CUL4A: variants seen among roughly 807,000 people sequenced by gnomAD.
CUL4A encodes cullin 4A.
CUL4A carries 16 observed loss-of-function variants against 95.5 expected under a neutral mutation model. That is an observed-to-expected ratio of 0.17 (90% CI 0.11 to 0.25). The LOEUF is 0.25. Ranked by LOEUF, CUL4A falls within the 10% of genes least tolerant of loss-of-function variation. The probability of loss-of-function intolerance (pLI) is 1.00; values close to 1 mark genes in which losing one functional copy is unlikely to be tolerated. For synonymous variants in CUL4A, 380 were observed against 353.1 expected (o/e 1.08, Z -0.85); for missense variants, 610 against 937.0 (o/e 0.65, Z 4.56).
At chr13:113,231,346 A>G (rs2041302373) in intron 5 of CUL4A, among the ~76,000 whole-genome samples, 1 of 152,206 alleles carries the variant, frequency 6.6e-6, no homozygotes, top group African/African-American at 2.4e-5. Flanking sequence ...CAGGCAGCTA[A>G]GAAAGAAAGA....
At chr13:113,260,949 T>A (rs2042259931) in intron 19 of CUL4A, among the ~76,000 whole-genome samples, 190 bp downstream of exon 19, 1 of 152,174 alleles carries the variant, frequency 6.6e-6, no homozygotes, top group Non-Finnish European at 1.5e-5. Context: ...ACTGCAGAAA[T>A]GATAGAGCCC....
At chr13:113,218,819 C>T in intron 2 of CUL4A, 126 bp from the exon 3 acceptor site, 1 of 599,306 alleles carries the variant, frequency 1.7e-6, no homozygotes, top group East Asian at 2.9e-5. Context: ...TTGTAGATTC[C>T]TGAAGTACTG....
intron 18 of CUL4A, among the ~76,000 whole-genome samples, chr13:113,256,598 TTC>T (rs1428298587): frequency 6.6e-6 from 1 of 152,194 alleles, no homozygotes; most frequent in Non-Finnish European, 1.5e-5. Flanking sequence ...TCATTTTGAT[TTC>T]TGATTCTTTA....
chr13:113,238,702 G>A (rs2041619493), intron 9 of CUL4A, among the ~76,000 whole-genome samples: 1 of 152,184 alleles, frequency 6.6e-6, no homozygotes, highest in Non-Finnish European at 1.5e-5. Context: ...CTCTAGGTGA[G>A]GATTGTAATT....
At chr13:113,220,049 G>T (rs1196231347) in intron 3 of CUL4A, among the ~76,000 whole-genome samples, 1 of 152,206 alleles carries the variant, frequency 6.6e-6, no homozygotes, top group Non-Finnish European at 1.5e-5. Flanking sequence ...TTCTTCATGT[G>T]TAAAATTAGG....
rs1169103880 is a variant in CUL4A, at chr13:113,233,285, G to A, written c.621G>A (p.Glu207=). The part of the protein sequence containing the change: ...LLLIERERSG[E]AVDRSLLRSL... Reference sequence around the variant, plus strand: ...TGATCGAGCGCGAGAGGAGCGGCGAGGCCGTGGACCGGAGCCTGTTGCGGA... The same window carrying A: ...TGATCGAGCGCGAGAGGAGCGGCGAAGCCGTGGACCGGAGCCTGTTGCGGA... The change falls in exon 6 of 20, where the codon GAG becomes GAA. Residue 207 remains glutamate (E), a synonymous_variant. Transcript: ENST00000375440. 2 of 1,613,850 alleles carry A rather than the reference G, an allele frequency of 1.2e-6. No individual in the cohort carries two copies. The highest frequency in any genetic ancestry group is 2.2e-5 in the South Asian group (2 of 91,076).
chr13:113,231,673 C>T (rs965270444), intron 5 of CUL4A, among the ~76,000 whole-genome samples: 1 of 152,176 alleles, frequency 6.6e-6, no homozygotes, highest in African/African-American at 2.4e-5. Context: ...GGCACAGAGA[C>T]ATTAAGCTTC....
In CUL4A at chr13:113,237,027, T is replaced by A; in HGVS notation, c.916+137T>A. 4.9e-6 allele frequency: 3 copies of A among 615,456 alleles called. No homozygotes were observed. The South Asian group carries it at 6.9e-5, about 14-fold the overall frequency. The allele number at this position is 615,456 out of a possible 1,614,324, so 38.1% of individuals were successfully genotyped here. A position where few individuals can be genotyped will look rare whatever the true frequency, so the allele number is the denominator to read the frequency against. The stretch of plus-strand genomic sequence containing the variant: ...GACAGTCATTAAAAATCTTTTCTAA[T>A]GAACATGTTAGCCATCCACGGGAGA... On this transcript the variant is annotated intron_variant, in intron 9 of 19. Coordinates refer to ENST00000375440, the MANE Select transcript of CUL4A (RefSeq NM_001008895.4).
intron 19 of CUL4A, 146 bp downstream of exon 19, chr13:113,260,905 G>A (rs2042258456): frequency 3.1e-6 from 2 of 649,646 alleles, no homozygotes; most frequent in South Asian, 4.3e-5. Flanking sequence ...ACTGGCAAAT[G>A]TGAAGCTCTT....
chr13:113,253,247 A>AT (rs746799895), intron 16 of CUL4A, 52 bp downstream of exon 16: 9 of 977,000 alleles, frequency 9.2e-6, no homozygotes, highest in African/African-American at 1.7e-5. Context: ...TGTTAATATA[A>AT]TTTTTTTATT....
intron 15 of CUL4A, 102 bp downstream of exon 15, chr13:113,246,165 A>G: frequency 1.2e-6 from 1 of 821,126 alleles, no homozygotes; most frequent in Non-Finnish European, 1.9e-6. Context: ...TTTTAAAAAT[A>G]GCCCACTCAG....
chr13:113,249,939 C>A (rs2041952854), intron 15 of CUL4A, among the ~76,000 whole-genome samples: 1 of 152,156 alleles, frequency 6.6e-6, no homozygotes, highest in Non-Finnish European at 1.5e-5. Context: ...TTTAACCGGG[C>A]TGTTTATCTT....
At chr13:113,210,366 A>G (rs1040646773) in intron 2 of CUL4A, among the ~76,000 whole-genome samples, 3 of 152,220 alleles carry the variant, frequency 2.0e-5, no homozygotes, top group African/African-American at 7.2e-5. Flanking sequence ...CGTGACTCAT[A>G]TTTTGCAAGT....
At chr13:113,255,293 T>G (rs1211281601) in intron 18 of CUL4A, among the ~76,000 whole-genome samples, 168 bp downstream of exon 18, 1 of 152,232 alleles carries the variant, frequency 6.6e-6, no homozygotes, top group Non-Finnish European at 1.5e-5. Context: ...TTCATTAACT[T>G]CACATTCTCA....
At chr13:113,256,926 GTTTTTTT>G (rs951070829) in intron 18 of CUL4A, among the ~76,000 whole-genome samples, 3 of 47,386 alleles carry the variant, frequency 6.3e-5, no homozygotes, top group South Asian at 1.1e-3. Flanking sequence ...TTTTTTTTTC[GTTTTTTT>G]TTTTTTTTTT....
chr13:113,245,567 G>A (rs527321108), intron 14 of CUL4A, among the ~76,000 whole-genome samples: 9 of 152,292 alleles, frequency 5.9e-5, no homozygotes, highest in Non-Finnish European at 1.3e-4. Flanking sequence ...TGGATAGATA[G>A]ATAATACATA....
upstream of CUL4A, chr13:113,208,843 C>G (rs2040184944): frequency 1.4e-6 from 2 of 1,406,800 alleles, no homozygotes; most frequent in Non-Finnish European, 1.8e-6. Flanking sequence ...CCCGTCCTCT[C>G]AGCCGGGACG....
In CUL4A at chr13:113,248,110, G is replaced by A. The variant is rs116426004; in HGVS notation, c.1638+2047G>A. Among the ~76,000 whole-genome samples the A allele has an allele frequency of 7.3e-3, 1,110 of 152,038 alleles. 18 individuals carry two copies. The highest frequency in any genetic ancestry group is 0.025 in the African/African-American group (1,038 of 41,538). On this transcript the variant is annotated intron_variant, in intron 15 of 19. Transcript: ENST00000375440. ...TGCTGGCTGGTTTCTCCACCGTATC[G>A]TTAGTGTTTTTCCTTTTGTAATCAC... is the stretch of plus-strand genomic sequence containing the variant.
At chr13:113,244,249 T>G (rs1319564649) in intron 11 of CUL4A, 161 bp from the exon 12 acceptor site, 5 of 589,812 alleles carry the variant, frequency 8.5e-6, no homozygotes, top group African/African-American at 3.7e-5. Flanking sequence ...TACTCTCACT[T>G]GACTTGAGAA....
Sources: allele counts gnomAD v4.1 joint callset (sites outside exome capture counted in the v4.1 genomes callset), GRCh38; gene constraint gnomAD v4.1.1; transcripts MANE v1.5; gene names NCBI Gene and HGNC (gene_info 2026-07-23, HGNC 2026-07-21).